PIAS1: variants seen among roughly 807,000 people sequenced by gnomAD.
PIAS1 encodes the protein protein inhibitor of activated STAT 1.
PIAS1 carries 6 observed loss-of-function variants against 71.3 expected under a neutral mutation model. The observed-to-expected ratio is 0.08, with a 90% CI of 0.05 to 0.17. The LOEUF (loss-of-function observed/expected upper bound fraction) is 0.17, where lower values mean the gene tolerates loss of function less well. Among genes scored for constraint, PIAS1 ranks in the 10% least tolerant of loss-of-function variants. PIAS1 has a pLI of 1.00. For missense variants in PIAS1, 555 were observed against 793.6 expected (o/e 0.70, Z 3.61); for synonymous variants, 303 against 292.9 (o/e 1.03, Z -0.35).
chr15:68,094,445 A>G (rs1224761470), intron 2 of PIAS1, among the ~76,000 whole-genome samples: 2 of 152,080 alleles, frequency 1.3e-5, no homozygotes, highest in Non-Finnish European at 2.9e-5. Flanking sequence ...TAACACTCCT[A>G]AATAGTTAAA....
intron 2 of PIAS1, among the ~76,000 whole-genome samples, chr15:68,111,536 T>C (rs987199123): frequency 6.6e-6 from 1 of 152,190 alleles, no homozygotes; most frequent in African/African-American, 2.4e-5. Flanking sequence ...AGTACCTAAT[T>C]GGCCGTTAAA....
At chr15:68,168,019 T>A (rs1440606196) in intron 8 of PIAS1, among the ~76,000 whole-genome samples, 2 of 150,790 alleles carry the variant, frequency 1.3e-5, no homozygotes, top group Non-Finnish European at 3.0e-5. Flanking sequence ...TTTAAAATTT[T>A]ATTTTTTGAG....
chr15:68,138,961 G>T (rs1378034873), intron 2 of PIAS1, among the ~76,000 whole-genome samples: 1 of 152,196 alleles, frequency 6.6e-6, no homozygotes, highest in Non-Finnish European at 1.5e-5. Context: ...TTAGTTCAGT[G>T]CTGTGTGGCA....
intron 4 of PIAS1, among the ~76,000 whole-genome samples, chr15:68,143,146 C>T (rs962656054): frequency 6.6e-6 from 1 of 151,934 alleles, no homozygotes; most frequent in Non-Finnish European, 1.5e-5. Flanking sequence ...ACTTAAATGT[C>T]CACACTGTTG....
Position 68,071,213 on chromosome 15 carries a change from C to G in PIAS1, c.25-15093C>G, listed in dbSNP as rs369045401. Among the ~76,000 whole-genome samples, 57 of 135,508 alleles carry G rather than the reference C, an allele frequency of 4.2e-4. No individual in the cohort carries two copies. The East Asian group carries it at 5.3e-3, about 12-fold the overall frequency. 88.9% of individuals were successfully genotyped at this position (135,508 alleles called of 152,430 possible). On this transcript the variant is annotated intron_variant, in intron 1 of 13. Transcript: ENST00000249636. ...GACCTTCTTTTCACCCCCGCCCCCC[C>G]GCCCCTACCTCCCTTCCCTCCATGG...
intron 1 of PIAS1, among the ~76,000 whole-genome samples, chr15:68,068,809 A>G (rs1200358957): frequency 6.6e-6 from 1 of 151,770 alleles, no homozygotes; most frequent in Non-Finnish European, 1.5e-5. Flanking sequence ...ATCCACGAAG[A>G]AGTTGAATCG....
intron 1 of PIAS1, chr15:68,055,330 CA>C: frequency 2.7e-6 from 1 of 366,966 alleles, no homozygotes; most frequent in East Asian, 1.6e-4. Context: ...CATGCTACTC[CA>C]ACCCCCGATA....
At chr15:68,111,761 G>A (rs143401349) in intron 2 of PIAS1, among the ~76,000 whole-genome samples, 114 of 152,130 alleles carry the variant, frequency 7.5e-4, no homozygotes, top group African/African-American at 2.5e-3. Flanking sequence ...CAAAAAGAAA[G>A]GTTTATTATA....
chr15:68,116,204 G>T (rs2092563877), intron 2 of PIAS1, among the ~76,000 whole-genome samples: 1 of 151,578 alleles, frequency 6.6e-6, no homozygotes, highest in Admixed American at 6.6e-5. Flanking sequence ...TTTGGTAGAA[G>T]TCCCCCGAGA....
intron 11 of PIAS1, among the ~76,000 whole-genome samples, chr15:68,180,175 C>T (rs548532052): frequency 2.2e-4 from 34 of 152,240 alleles, no homozygotes; most frequent in African/African-American, 8.2e-4. Context: ...AATCACGGCT[C>T]ATGCAGCCTC....
intron 1 of PIAS1, among the ~76,000 whole-genome samples, chr15:68,072,898 C>T (rs2092115052): frequency 6.6e-6 from 1 of 152,112 alleles, no homozygotes; most frequent in African/African-American, 2.4e-5. Flanking sequence ...CAGTTTTGCC[C>T]TTAAAACTAA....
At position 68,142,350 on chromosome 15, in the gene PIAS1, C is replaced by G; in HGVS notation, c.602+13C>G. The G allele has an allele frequency of 6.4e-7, 1 of 1,569,458 alleles. No individual in the cohort carries two copies. Among genetic ancestry groups the G allele is most frequent in the Non-Finnish European group, 8.8e-7 (1 of 1,140,180 alleles). ...AGGTCCAGTTAAGGTACAGTGCTGA[C>G]TATAGGATATATTCAAAGTTTAAAA... On this transcript the variant is annotated intron_variant, in intron 4 of 13. Coordinates refer to ENST00000249636, the MANE Select transcript of PIAS1 (RefSeq NM_016166.3).
chr15:68,059,000 C>CT (rs35348345), intron 1 of PIAS1, among the ~76,000 whole-genome samples: 4,532 of 84,896 alleles, frequency 0.053, 344 homozygotes, highest in African/African-American at 0.15. Context: ...GATTATTCTA[C>CT]TTTTTTTTTT....
intron 1 of PIAS1, among the ~76,000 whole-genome samples, chr15:68,070,855 A>C (rs945902596): frequency 6.6e-6 from 1 of 151,748 alleles, no homozygotes; most frequent in Non-Finnish European, 1.5e-5. Flanking sequence ...TCCTGGGCTC[A>C]AGTGATTGTC....
intron 2 of PIAS1, among the ~76,000 whole-genome samples, chr15:68,139,990 A>G (rs564204850): frequency 1.7e-4 from 26 of 152,324 alleles, no homozygotes; most frequent in African/African-American, 5.5e-4. Context: ...AACCAAAACT[A>G]TAGACTTCAC....
chr15:68,124,399 G>GTT (rs1384913612), intron 2 of PIAS1, among the ~76,000 whole-genome samples: 4 of 111,234 alleles, frequency 3.6e-5, no homozygotes, highest in Admixed American at 8.7e-5. Context: ...TTTTGTTGTT[G>GTT]TTTTTTGTTT....
rs770132377 is a variant in PIAS1, at chr15:68,086,602, A to G, written c.321A>G (p.Pro107=). Reference sequence around the variant, plus strand: ...ACGATGGTCACCCTGCATCATCGCCATTACTCCCTGTTTCTCTTCTGGGAC... The same window carrying G: ...ACGATGGTCACCCTGCATCATCGCCGTTACTCCCTGTTTCTCTTCTGGGAC... ...LTYDGHPASS[P]LLPVSLLGPK... The change falls in exon 2 of 14, where the codon CCA becomes CCG. Residue 107 remains proline (P), a synonymous_variant. Coordinates refer to ENST00000249636, the MANE Select transcript of PIAS1 (RefSeq NM_016166.3). The surrounding 1 kb of genome is among the most constrained non-coding windows in gnomAD (Gnocchi z 7.2). 4 of 1,613,884 alleles carry G rather than the reference A, an allele frequency of 2.5e-6. No homozygotes were observed. Among genetic ancestry groups the G allele is most frequent in the African/African-American group, 1.3e-5 (1 of 75,002 alleles).
At position 68,181,208 on chromosome 15, in the gene PIAS1, C is replaced by G. The variant is rs542338703; in HGVS notation, c.1482-4C>G. On this transcript the variant is annotated splice_region_variant and splice_polypyrimidine_tract_variant and intron_variant, in intron 11 of 13. Transcript: ENST00000249636. Reference sequence around the variant, plus strand: ...AAAACTATGCCAATCTTTCCTTCTTCCAGCATTTTAAGTCTTCCACATCAA... The same window carrying G: ...AAAACTATGCCAATCTTTCCTTCTTGCAGCATTTTAAGTCTTCCACATCAA... The G allele has an allele frequency of 6.2e-6, 10 of 1,612,436 alleles. No individual in the cohort carries two copies. Among genetic ancestry groups the G allele is most frequent in the African/African-American group, 1.3e-5 (1 of 74,994 alleles).
In PIAS1 at chr15:68,173,988, A is replaced by T; in HGVS notation, c.1169+96A>T. 1.4e-6 allele frequency: 1 copy of T among 729,598 alleles called. No individual in the cohort carries two copies. The highest frequency in any genetic ancestry group is 2.0e-6 in the Non-Finnish European group (1 of 509,744). 45.2% of individuals were successfully genotyped at this position (729,598 alleles called of 1,614,324 possible). Reference sequence around the variant, plus strand: ...TTGGGATGAAAATTCTAAGTTATATATTTGTAGGATTTTTGTGAGTCTGCA... The same window carrying T: ...TTGGGATGAAAATTCTAAGTTATATTTTTGTAGGATTTTTGTGAGTCTGCA... On this transcript the variant is annotated intron_variant, in intron 9 of 13. Transcript: ENST00000249636. This position sits in a 1 kb window ranked among gnomAD's most constrained non-coding sequence, Gnocchi z 4.3.
Sources: gnomAD v4.1 joint callset for allele counts (sites outside exome capture counted in the v4.1 genomes callset) on GRCh38, gnomAD v4.1.1 for gene constraint, Gnocchi (gnomAD v3.1) non-coding constraint, MANE v1.5 for transcripts, NCBI Gene and HGNC (gene_info 2026-07-23, HGNC 2026-07-21) for gene names.